Variants in CCDC6 observed in about 807,000 individuals in gnomAD.
CCDC6 encodes coiled-coil domain containing 6.
Under a neutral mutation model 56.6 loss-of-function variants are expected in CCDC6, and 20 were observed. That is an observed-to-expected ratio of 0.35 (90% confidence interval 0.25 to 0.51). The LOEUF is 0.51. CCDC6 is among the 20% of genes least tolerant of loss of function. CCDC6 has a pLI of 0.95. For missense variants in CCDC6, 367 were observed against 601.1 expected (o/e 0.61, Z 4.07); for synonymous variants, 241 against 234.4 (o/e 1.03, Z -0.26).
chr10:59,847,965 C>G (rs1204678272), intron 2 of CCDC6, among the ~76,000 whole-genome samples: 2 of 151,978 alleles, frequency 1.3e-5, no homozygotes, highest in Non-Finnish European at 2.9e-5. Flanking sequence ...GTGTTCTCCC[C>G]ACGTCTATGC....
chr10:59,872,680 G>A (rs1318114596), intron 1 of CCDC6, among the ~76,000 whole-genome samples: 1 of 150,288 alleles, frequency 6.7e-6, no homozygotes, highest in Non-Finnish European at 1.5e-5. Context: ...TCAGCATCAA[G>A]TTTCTATTCT....
Position 59,794,442 on chromosome 10 carries a change from A to G in CCDC6, c.1230+31T>C. On this transcript the variant is annotated intron_variant, in intron 8 of 8. Coordinates refer to ENST00000263102, the MANE Select transcript of CCDC6 (RefSeq NM_005436.5). ...CCAGTCGGTACCACTTTCAGGAGTA[A>G]AGTGCTGCTTCCTACCCCACGGACA... 1.9e-6 allele frequency: 3 copies of G among 1,612,346 alleles called. 1 individual carries two copies. In the South Asian group the frequency reaches 3.3e-5, roughly 18 times the overall value.
chr10:59,873,180 G>A (rs1403700960), intron 1 of CCDC6, among the ~76,000 whole-genome samples: 1 of 152,136 alleles, frequency 6.6e-6, no homozygotes, highest in Non-Finnish European at 1.5e-5. Context: ...GATGGACTGT[G>A]TCCTTGAAAA....
intron 1 of CCDC6, among the ~76,000 whole-genome samples, chr10:59,897,102 G>A (rs2071469442): frequency 6.6e-6 from 1 of 152,114 alleles, no homozygotes; most frequent in Admixed American, 6.5e-5. Context: ...TTTCCTCAAA[G>A]ATTAGTAGGG....
At chr10:59,851,274 C>T (rs2071037078) in intron 2 of CCDC6, among the ~76,000 whole-genome samples, 2 of 152,134 alleles carry the variant, frequency 1.3e-5, no homozygotes, top group South Asian at 2.1e-4. Flanking sequence ...TTTAATGCTG[C>T]CCCAGTGAGA....
intron 1 of CCDC6, among the ~76,000 whole-genome samples, chr10:59,905,559 C>G (rs1389766501): frequency 6.6e-6 from 1 of 152,196 alleles, no homozygotes; most frequent in East Asian, 1.9e-4. Context: ...GCCCTTCCCT[C>G]TCGATCCCGG....
At chr10:59,835,615 C>G (rs1340002726) in intron 2 of CCDC6, among the ~76,000 whole-genome samples, 1 of 152,182 alleles carries the variant, frequency 6.6e-6, no homozygotes, top group African/African-American at 2.4e-5. Flanking sequence ...TTTATCATCC[C>G]CCAAAGACAG....
At chr10:59,845,346 G>GTTTTTTTTTTTTTTTTTTTTTT (rs151236986) in intron 2 of CCDC6, among the ~76,000 whole-genome samples, 1 of 96,960 alleles carries the variant, frequency 1.0e-5, no homozygotes, top group Admixed American at 1.2e-4. Context: ...GCCCCTATGG[G>GTTTTTTTTTTTTTTTTTTTTTT]TTTTTTTTTT....
intron 6 of CCDC6, 187 bp from the exon 7 acceptor site, chr10:59,804,707 C>T (rs747562776): frequency 1.7e-4 from 94 of 546,476 alleles, no homozygotes; most frequent in Non-Finnish European, 2.9e-4. Flanking sequence ...TTTGACAAAC[C>T]TCACTCCAAG....
At chr10:59,812,404 T>C (rs2070681050) in intron 5 of CCDC6, among the ~76,000 whole-genome samples, 1 of 151,864 alleles carries the variant, frequency 6.6e-6, no homozygotes, top group African/African-American at 2.4e-5. Flanking sequence ...TTCCTGAAAT[T>C]ACTTTAATTA....
intron 1 of CCDC6, among the ~76,000 whole-genome samples, chr10:59,882,021 A>G (rs1202196374): frequency 1.5e-5 from 1 of 67,018 alleles, no homozygotes; most frequent in Non-Finnish European, 3.0e-5. Context: ...AGGAAAGGAA[A>G]GCCGCGGGGA....
At chr10:59,873,833 A>G (rs1256081067) in intron 1 of CCDC6, among the ~76,000 whole-genome samples, 1 of 152,232 alleles carries the variant, frequency 6.6e-6, no homozygotes, top group Admixed American at 6.5e-5. Context: ...AAAAAAAAGA[A>G]GGACAGAGAA....
At chr10:59,890,262 T>C (rs1006054088) in intron 1 of CCDC6, among the ~76,000 whole-genome samples, 60 of 152,266 alleles carry the variant, frequency 3.9e-4, no homozygotes, top group Non-Finnish European at 7.1e-4. Context: ...CAGTCAACGA[T>C]GGCTTTCAGA....
At chr10:59,832,817 T>C (rs144015549) in intron 2 of CCDC6, among the ~76,000 whole-genome samples, 164 bp from the exon 3 acceptor site, 196 of 152,336 alleles carry the variant, frequency 1.3e-3, no homozygotes, top group African/African-American at 4.5e-3. Context: ...GCCTAACTGG[T>C]TCCTCTAACT....
Position 59,793,106 on chromosome 10 carries a change from A to G in CCDC6, c.1236T>C (p.Pro412=), listed in dbSNP as rs780460565. ...HMGTSHGITR[P]SPRRSNSPDK... ...CAGGACTGTTGCTTCTCCGTGGTGA[A>G]GGCCTCTGCAGAGGGGACAGGAACA... is the stretch of plus-strand genomic sequence containing the variant. Residue 412 remains proline, a synonymous_variant, in exon 9 of 9, where the codon CCT becomes CCC. Coordinates refer to ENST00000263102, the MANE Select transcript of CCDC6 (RefSeq NM_005436.5). 2 of 1,613,876 alleles carry G rather than the reference A, an allele frequency of 1.2e-6. No individual in the cohort carries two copies. The highest frequency in any genetic ancestry group is 1.7e-6 in the Non-Finnish European group (2 of 1,179,942).
intron 1 of CCDC6, among the ~76,000 whole-genome samples, chr10:59,893,538 A>G (rs1406901796): frequency 6.6e-6 from 1 of 152,134 alleles, no homozygotes; most frequent in Non-Finnish European, 1.5e-5. Context: ...CCCAGGAGGC[A>G]GAGCCTGCAG....
intron 7 of CCDC6, among the ~76,000 whole-genome samples, chr10:59,797,709 G>A (rs987534801): frequency 4.7e-5 from 7 of 147,412 alleles, no homozygotes; most frequent in African/African-American, 7.7e-5. Context: ...GTGTGTGTGT[G>A]TCTCAGCCAT....
rs1317560482 is a variant in CCDC6, at chr10:59,806,778, C to T, written c.1004+144G>A. On this transcript the variant is annotated intron_variant, in intron 6 of 8. Coordinates refer to ENST00000263102, the MANE Select transcript of CCDC6 (RefSeq NM_005436.5). ...ATCTTTATCCCATTCTTGGCATCTA[C>T]TATAACGCAGTGGCATTCATTAGCA... 5.0e-6 allele frequency: 3 copies of T among 595,752 alleles called. No homozygotes were observed. In the Admixed American group the frequency reaches 9.5e-5, roughly 19 times the overall value. The allele number at this position is 595,752 out of a possible 1,614,324, so 36.9% of individuals were successfully genotyped here.
At chr10:59,901,427 C>T (rs142898973) in intron 1 of CCDC6, among the ~76,000 whole-genome samples, 1 of 152,294 alleles carries the variant, frequency 6.6e-6, no homozygotes, top group African/African-American at 2.4e-5. Flanking sequence ...ACAACATCAA[C>T]TATATGGCAG....
Sources: allele counts gnomAD v4.1 joint callset (sites outside exome capture counted in the v4.1 genomes callset), GRCh38; gene constraint gnomAD v4.1.1; transcripts MANE v1.5; gene names NCBI Gene and HGNC (gene_info 2026-07-23, HGNC 2026-07-21).